Variants in F2 observed in about 807,000 individuals in gnomAD.
F2 encodes the protein coagulation factor II, thrombin, also known as prothrombin.
F2 carries 34 observed loss-of-function variants against 81.9 expected under a neutral mutation model. The observed-to-expected ratio is 0.42, with a 90% CI of 0.32 to 0.55. The LOEUF (loss-of-function observed/expected upper bound fraction) is 0.55. F2 is among the 20% of genes least tolerant of loss of function. The pLI, the probability that F2 is intolerant of heterozygous loss-of-function variation, is 0.18. For missense variants in F2, 630 were observed against 833.4 expected (o/e 0.76, Z 3.00); for synonymous variants, 296 against 326.4 (o/e 0.91, Z 1.01).
chr11:46,732,704 C>T (rs1354485840), intron 12 of F2, among the ~76,000 whole-genome samples: 1 of 152,158 alleles, frequency 6.6e-6, no homozygotes, highest in Non-Finnish European at 1.5e-5. Context: ...CCAGGCCATA[C>T]TTTGTTACTA....
Position 46,719,650 on chromosome 11 carries a change from A to G in F2, c.80-52A>G. On this transcript the variant is annotated intron_variant, in intron 1 of 13. Transcript: ENST00000311907. The surrounding 1 kb of genome is among the most constrained non-coding windows in gnomAD (Gnocchi z 4.7). ...TTGCTTCATGCCCCCAGAATGGCCA[A>G]GACTGCCTGTTCCTGAGGCCGCTGT... 6.4e-7 allele frequency: 1 copy of G among 1,555,076 alleles called. No individual in the cohort carries two copies. Among genetic ancestry groups the G allele is most frequent in the Non-Finnish European group, 8.7e-7 (1 of 1,150,346 alleles).
rs1435829548 is a variant in F2 at position 46,728,306 on chromosome 11, C to T, written c.1298+143C>T. ...CATCCCAGCAGTCTCTGCTGGAAAG[C>T]CCATTTGGTCACGTCCTGACTGAGG... is the stretch of plus-strand genomic sequence containing the variant. On this transcript the variant is annotated intron_variant, in intron 10 of 13. Coordinates refer to ENST00000311907, the MANE Select transcript of F2 (RefSeq NM_000506.5). This position sits in a 1 kb window ranked among gnomAD's most constrained non-coding sequence, Gnocchi z 5.1. 1.5e-5 allele frequency: 15 copies of T among 1,001,622 alleles called. No individual in the cohort carries two copies. The highest frequency in any genetic ancestry group is 4.5e-6 in the Non-Finnish European group (3 of 659,724). 62.0% of individuals were successfully genotyped at this position (1,001,622 alleles called of 1,614,324 possible).
In F2 at chr11:46,723,054, G is replaced by T; in HGVS notation, c.317-126G>T. The T allele has an allele frequency of 1.2e-6, 1 of 829,188 alleles. No homozygotes were observed. The highest frequency in any genetic ancestry group is 2.1e-6 in the Non-Finnish European group (1 of 467,236). The allele number at this position is 829,188 out of a possible 1,614,324, so 51.4% of individuals were successfully genotyped here. On this transcript the variant is annotated intron_variant, in intron 4 of 13. Coordinates refer to ENST00000311907, the MANE Select transcript of F2 (RefSeq NM_000506.5). The surrounding 1 kb of genome is among the most constrained non-coding windows in gnomAD (Gnocchi z 5.6). The stretch of plus-strand genomic sequence containing the variant: ...AACTGCTGGTTGCAGAGGAAGAGGG[G>T]CTGGGTGAATGCAGGTTCAGGATTG...
At chr11:46,735,200 G>C (rs1180935570) in intron 12 of F2, among the ~76,000 whole-genome samples, 3 of 152,070 alleles carry the variant, frequency 2.0e-5, no homozygotes, top group Non-Finnish European at 4.4e-5. Context: ...CCAGCACTTT[G>C]GGAGGCTGAG....
At chr11:46,722,006 C>T (rs535976244) in intron 4 of F2, among the ~76,000 whole-genome samples, 105 of 152,276 alleles carry the variant, frequency 6.9e-4, no homozygotes, top group Non-Finnish European at 1.1e-3. Flanking sequence ...CCATGCCCAG[C>T]TAATTTTTTG....
At chr11:46,724,627 C>T (rs1490911092) in intron 6 of F2, among the ~76,000 whole-genome samples, 1 of 152,154 alleles carries the variant, frequency 6.6e-6, no homozygotes, top group African/African-American at 2.4e-5. Context: ...AACTACACCT[C>T]AGCCTGTAAA....
intron 12 of F2, among the ~76,000 whole-genome samples, chr11:46,735,305 G>C (rs913058226): frequency 6.6e-6 from 1 of 152,128 alleles, no homozygotes; most frequent in Non-Finnish European, 1.5e-5. Flanking sequence ...GCTGGGTGTG[G>C]TGGCGCATGC....
chr11:46,729,019 G>A lies in F2; in HGVS notation c.1472+182G>A, dbSNP rs865877085. Among the ~76,000 whole-genome samples, 37 of 152,146 alleles carry A rather than the reference G, an allele frequency of 2.4e-4. No homozygotes were observed. The Middle Eastern group carries it at 0.014, about 56-fold the overall frequency. On this transcript the variant is annotated intron_variant, in intron 11 of 13. Coordinates refer to ENST00000311907, the MANE Select transcript of F2 (RefSeq NM_000506.5). ...TATTTATATTTATTTATTTACTGACGGAGTTCCACTCTTGTCTCCCAGGCT... is the reference window on the plus strand; with the variant it reads ...TATTTATATTTATTTATTTACTGACAGAGTTCCACTCTTGTCTCCCAGGCT...
Position 46,729,383 on chromosome 11 carries a change from G to A in F2, c.1476G>A (p.Leu492=), listed in dbSNP as rs375684674. 3 of 1,613,636 alleles carry A rather than the reference G, an allele frequency of 1.9e-6. No individual in the cohort carries two copies. Among genetic ancestry groups the A allele is most frequent in the Non-Finnish European group, 2.5e-6 (3 of 1,179,904 alleles). The change falls in exon 12 of 14, where the codon TTG becomes TTA. Residue 492 remains leucine, a synonymous_variant. Transcript: ENST00000311907. The part of the protein sequence containing the change: ...CLPDRETAAS[L]LQAGYKGRVT... ...GGCCCTTCTTCCTTCCCCAAAGCTT[G>A]CTCCAGGCTGGATACAAGGGGCGGG...
intron 3 of F2, 86 bp downstream of exon 3, chr11:46,720,633 C>A (rs1053412926): frequency 1.9e-6 from 3 of 1,557,702 alleles, no homozygotes; most frequent in Admixed American, 1.7e-5. Flanking sequence ...TCTGCTGCAC[C>A]TAGCCATCCA....
Position 46,726,369 on chromosome 11 carries a change from C to T in F2, c.875-129C>T. 1 of 1,511,932 alleles carries T rather than the reference C, an allele frequency of 6.6e-7. No homozygotes were observed. Among genetic ancestry groups the T allele is most frequent in the South Asian group, 1.2e-5 (1 of 83,072 alleles). 93.7% of individuals were successfully genotyped at this position (1,511,932 alleles called of 1,614,324 possible). A position where few individuals can be genotyped will look rare whatever the true frequency, so the allele number is the denominator to read the frequency against. ...GCCCCAGGAGGTTATTGCCTAGTAG[C>T]CCAACTGTGCATGCACGCTTAACCT... On this transcript the variant is annotated intron_variant, in intron 7 of 13. Transcript: ENST00000311907. The surrounding 1 kb of genome is among the most constrained non-coding windows in gnomAD (Gnocchi z 5.9).
chr11:46,726,759 C>A lies in F2; in HGVS notation c.1052C>A (p.Thr351Asn). Residue 351 changes from threonine (T) to asparagine (N), a missense_variant, in exon 9 of 14, where the codon ACC becomes AAC. Physicochemically the swap from Thr to Asn is moderately conservative, Grantham distance 65. Transcript: ENST00000311907. The surrounding 1 kb of genome is among the most constrained non-coding windows in gnomAD (Gnocchi z 5.9). ...GAGAAGAAGTCGCTGGAGGACAAAA[C>A]CGAAAGAGAGCTCCTGGAATCCTAC... The part of the protein sequence containing the change: ...LFEKKSLEDK[T>N]ERELLESYID... The A allele has an allele frequency of 2.5e-6, 4 of 1,614,212 alleles. No homozygotes were observed. Among genetic ancestry groups the A allele is most frequent in the Non-Finnish European group, 3.4e-6 (4 of 1,180,038 alleles).
Position 46,726,904 on chromosome 11 carries a change from C to A in F2, c.1130+67C>A. The A allele has an allele frequency of 6.2e-7, 1 of 1,606,724 alleles. No homozygotes were observed. Among genetic ancestry groups the A allele is most frequent in the South Asian group, 1.1e-5 (1 of 90,708 alleles). On this transcript the variant is annotated intron_variant, in intron 9 of 13. Transcript: ENST00000311907. The surrounding 1 kb of genome is among the most constrained non-coding windows in gnomAD (Gnocchi z 5.9). Reference sequence around the variant, plus strand: ...AGGTGTGCTGCTGGACCCCCACCCTCAGGCCCTGCCTGCAGGCCTGGGCTT... The same window carrying A: ...AGGTGTGCTGCTGGACCCCCACCCTAAGGCCCTGCCTGCAGGCCTGGGCTT...
Position 46,726,434 on chromosome 11 carries a change from G to A in F2, c.875-64G>A. 1.3e-6 allele frequency: 2 copies of A among 1,581,210 alleles called. No individual in the cohort carries two copies. The highest frequency in any genetic ancestry group is 1.7e-6 in the Non-Finnish European group (2 of 1,164,354). On this transcript the variant is annotated intron_variant, in intron 7 of 13. Transcript: ENST00000311907. The surrounding 1 kb of genome is among the most constrained non-coding windows in gnomAD (Gnocchi z 5.9). ...CTCCAAGGCCCGTAGGGGAATTGGG[G>A]GGATCTAGGGGATGGGTGAGGAATG... is the stretch of plus-strand genomic sequence containing the variant.
At chr11:46,732,777 G>C (rs920504156) in intron 12 of F2, among the ~76,000 whole-genome samples, 2 of 152,164 alleles carry the variant, frequency 1.3e-5, no homozygotes, top group African/African-American at 4.8e-5. Context: ...CTTCAAGCTG[G>C]CTTCTGTGAC....
chr11:46,721,057 T>C (rs557676035), intron 4 of F2, among the ~76,000 whole-genome samples: 1 of 152,326 alleles, frequency 6.6e-6, no homozygotes, highest in South Asian at 2.1e-4. Flanking sequence ...TAATGTTTTT[T>C]TTTTTGAGAC....
Position 46,720,603 on chromosome 11 carries a change from G to T in F2, c.265+56G>T, listed in dbSNP as rs1449002003. On this transcript the variant is annotated intron_variant, in intron 3 of 13. Coordinates refer to ENST00000311907, the MANE Select transcript of F2 (RefSeq NM_000506.5). Reference sequence around the variant, plus strand: ...GGGAGGCCTGGGGACCCCAGTGAGAGAATTCTACCCAGAGAATCTTCTGCT... The same window carrying T: ...GGGAGGCCTGGGGACCCCAGTGAGATAATTCTACCCAGAGAATCTTCTGCT... The T allele has an allele frequency of 6.2e-6, 10 of 1,605,166 alleles. No homozygotes were observed. In the South Asian group the frequency reaches 9.9e-5, roughly 16 times the overall value.
intron 12 of F2, among the ~76,000 whole-genome samples, chr11:46,737,006 C>T (rs2064948014): frequency 6.6e-6 from 1 of 152,046 alleles, no homozygotes; most frequent in Non-Finnish European, 1.5e-5. Context: ...GCAATGTATT[C>T]TCTTATAATT....
intron 12 of F2, among the ~76,000 whole-genome samples, chr11:46,735,236 T>C (rs1462553024): frequency 2.6e-5 from 4 of 151,588 alleles, no homozygotes; most frequent in South Asian, 2.1e-4. Context: ...GGTCAGGAGA[T>C]AGAGACCATC....
Sources: gnomAD v4.1 joint callset for allele counts (sites outside exome capture counted in the v4.1 genomes callset) on GRCh38, gnomAD v4.1.1 for gene constraint, Gnocchi (gnomAD v3.1) non-coding constraint, MANE v1.5 for transcripts, NCBI Gene and HGNC (gene_info 2026-07-23, HGNC 2026-07-21) for gene names.